IQCM: variants seen among roughly 807,000 people sequenced by gnomAD.
IQCM encodes the protein IQ domain-containing protein M.
In IQCM, 45 loss-of-function variants were observed where a neutral mutation model predicts 57.6. The observed-to-expected ratio is 0.78, with a 90% CI of 0.62 to 1.00. The LOEUF (loss-of-function observed/expected upper bound fraction) is 1.00. Among genes scored for constraint, IQCM ranks in the 50% least tolerant of loss-of-function variants. IQCM has a pLI of 0.00. For missense variants in IQCM, 468 were observed against 511.6 expected, an observed-to-expected ratio of 0.91 and a Z score of 0.82; for synonymous variants, 148 against 158.9, an observed-to-expected ratio of 0.93 and a Z score of 0.51.
rs533169302 is a variant in IQCM at position 149,376,088 on chromosome 4, A to C, written c.1391-24022T>G. On this transcript the variant is annotated intron_variant, in intron 13 of 13. Coordinates refer to ENST00000636793, the MANE Select transcript of IQCM (RefSeq NM_001363507.2). ...AAAGAAGAATCAGGTGAAAAACATT[A>C]GAAAGGGCATGATTTTATAGAAATA... 5.0e-4 allele frequency among the ~76,000 whole-genome samples: 76 copies of C among 152,314 alleles called. 1 individual carries two copies. In the South Asian group the frequency reaches 0.016, roughly 32 times the overall value.
chr4:149,665,063 A>G (rs1561126414), intron 7 of IQCM, among the ~76,000 whole-genome samples: 1 of 152,108 alleles, frequency 6.6e-6, no homozygotes, highest in African/African-American at 2.4e-5. Flanking sequence ...TGCTGCAGAA[A>G]CCCATGTGAA....
chr4:149,754,072 T>G (rs1768728939), intron 2 of IQCM, among the ~76,000 whole-genome samples: 1 of 152,202 alleles, frequency 6.6e-6, no homozygotes, highest in Admixed American at 6.5e-5. Context: ...TACTTTAAAC[T>G]GCTTCTAGTG....
intron 5 of IQCM, among the ~76,000 whole-genome samples, chr4:149,703,090 G>A (rs1389626648): frequency 6.6e-6 from 1 of 151,924 alleles, no homozygotes; most frequent in Non-Finnish European, 1.5e-5. Flanking sequence ...CAAATGCTAA[G>A]TTGACAAGGC....
chr4:149,788,447 C>T (rs891661357), intron 2 of IQCM, among the ~76,000 whole-genome samples: 6 of 152,136 alleles, frequency 3.9e-5, no homozygotes, highest in Non-Finnish European at 7.3e-5. Flanking sequence ...AACTGAATAT[C>T]GTCTTACCCT....
At chr4:149,696,381 C>T (rs1441951416) in intron 5 of IQCM, among the ~76,000 whole-genome samples, 1 of 152,062 alleles carries the variant, frequency 6.6e-6, no homozygotes, top group African/African-American at 2.4e-5. Context: ...GCTGACTCTC[C>T]CTCTTCTATC....
At chr4:149,609,189 T>G (rs1354243989) in intron 8 of IQCM, among the ~76,000 whole-genome samples, 1 of 151,542 alleles carries the variant, frequency 6.6e-6, no homozygotes, top group Admixed American at 6.6e-5. Context: ...GATTGAACCA[T>G]GAAGAAATAA....
intron 8 of IQCM, among the ~76,000 whole-genome samples, chr4:149,595,518 A>T (rs1753690453): frequency 6.6e-6 from 1 of 152,178 alleles, no homozygotes; most frequent in African/African-American, 2.4e-5. Context: ...TAAACTGAAG[A>T]GTTTTTTTCT....
At chr4:149,364,904 T>G (rs1362357133) in intron 13 of IQCM, among the ~76,000 whole-genome samples, 4 of 152,000 alleles carry the variant, frequency 2.6e-5, no homozygotes, top group Non-Finnish European at 5.9e-5. Context: ...CCTAAGTAAC[T>G]CTGGAAATCA....
At chr4:149,476,342 T>C (rs974825695) in intron 12 of IQCM, among the ~76,000 whole-genome samples, 5 of 152,206 alleles carry the variant, frequency 3.3e-5, no homozygotes, top group Non-Finnish European at 7.3e-5. Flanking sequence ...CTTACTTAAG[T>C]TTCCCAGAGT....
intron 9 of IQCM, among the ~76,000 whole-genome samples, chr4:149,577,931 T>C (rs1439782987): frequency 6.6e-6 from 1 of 151,828 alleles, no homozygotes; most frequent in East Asian, 1.9e-4. Context: ...ATTGTAGAGA[T>C]CTTTCACCTC....
chr4:149,384,242 C>T (rs1731265932), intron 13 of IQCM, among the ~76,000 whole-genome samples: 2 of 150,500 alleles, frequency 1.3e-5, no homozygotes, highest in African/African-American at 4.9e-5. Flanking sequence ...GTTACTTTGG[C>T]ATAAGAATTA....
intron 12 of IQCM, among the ~76,000 whole-genome samples, chr4:149,500,921 C>T (rs1223113603): frequency 6.6e-6 from 1 of 152,076 alleles, no homozygotes; most frequent in Non-Finnish European, 1.5e-5. Context: ...AATACCAATC[C>T]TGATGGTTAT....
intron 2 of IQCM, chr4:149,790,038 A>G (rs1017581213): frequency 1.8e-5 from 8 of 443,372 alleles, no homozygotes; most frequent in African/African-American, 1.2e-4. Context: ...TCTGATGCAC[A>G]TGCATTTCTC....
intron 5 of IQCM, among the ~76,000 whole-genome samples, chr4:149,700,376 T>G (rs1383797562): frequency 6.6e-6 from 1 of 151,882 alleles, no homozygotes; most frequent in African/African-American, 2.4e-5. Flanking sequence ...CAGCTCCTGA[T>G]GTCCTCAAAT....
intron 2 of IQCM, among the ~76,000 whole-genome samples, chr4:149,801,026 T>C (rs1416947797): frequency 6.6e-6 from 1 of 151,824 alleles, no homozygotes; most frequent in Admixed American, 6.6e-5. Context: ...TAGCCAAAGT[T>C]ATCCTTTGGG....
intron 13 of IQCM, among the ~76,000 whole-genome samples, chr4:149,362,166 C>T (rs1273932828): frequency 2.0e-5 from 3 of 151,988 alleles, no homozygotes; most frequent in Non-Finnish European, 2.9e-5. Context: ...GTATTTACCC[C>T]CATTGTATCT....
At chr4:149,796,610 T>C (rs1773140020) in intron 2 of IQCM, among the ~76,000 whole-genome samples, 1 of 152,158 alleles carries the variant, frequency 6.6e-6, no homozygotes, top group Admixed American at 6.5e-5. Flanking sequence ...TTGGGTGAGA[T>C]GCAGCCTTTT....
intron 13 of IQCM, among the ~76,000 whole-genome samples, chr4:149,396,297 T>C (rs1197464843): frequency 6.6e-6 from 1 of 151,720 alleles, no homozygotes; most frequent in Admixed American, 6.6e-5. Flanking sequence ...TCCATTTGTT[T>C]TGAAAAATAA....
intron 9 of IQCM, among the ~76,000 whole-genome samples, chr4:149,566,406 A>G (rs1750637806): frequency 6.6e-6 from 1 of 152,194 alleles, no homozygotes; most frequent in Admixed American, 6.5e-5. Context: ...TTGAAGTGAC[A>G]GCTCTAGGTC....
Sources: allele counts gnomAD v4.1 joint callset (sites outside exome capture counted in the v4.1 genomes callset), GRCh38; gene constraint gnomAD v4.1.1; transcripts MANE v1.5; gene names NCBI Gene and HGNC (gene_info 2026-07-23, HGNC 2026-07-21).